The following TRPM3 variants were observed in gnomAD, a reference collection of about 807,000 sequenced individuals.
TRPM3 encodes transient receptor potential cation channel subfamily M member 3.
TRPM3 carries 77 observed loss-of-function variants against 181.2 expected under a neutral mutation model. That is an observed-to-expected ratio of 0.42 (90% confidence interval 0.35 to 0.51). The LOEUF is 0.51. Among genes scored for constraint, TRPM3 ranks in the 20% least tolerant of loss-of-function variants. The probability of loss-of-function intolerance (pLI) is 0.01; values close to 1 mark genes in which losing one functional copy is unlikely to be tolerated. For synonymous variants in TRPM3, 745 were observed against 796.4 expected (o/e 0.94, Z 1.09); for missense variants, 1,759 against 2,196.7 (o/e 0.80, Z 3.98).
At chr9:70,538,809 T>C (rs1263419024) in intron 25 of TRPM3, among the ~76,000 whole-genome samples, 11 of 152,336 alleles carry the variant, frequency 7.2e-5, no homozygotes, top group Non-Finnish European at 1.3e-4. Flanking sequence ...AATGGGTCAA[T>C]GACATTTACG....
intron 1 of TRPM3, among the ~76,000 whole-genome samples, chr9:71,309,993 A>G (rs1487878277): frequency 6.6e-6 from 1 of 152,154 alleles, no homozygotes; most frequent in African/African-American, 2.4e-5. Flanking sequence ...TCATAAATGA[A>G]ACAGGTGTAA....
intron 21 of TRPM3, among the ~76,000 whole-genome samples, chr9:70,592,999 G>A (rs2058393179): frequency 6.6e-6 from 1 of 152,084 alleles, no homozygotes; most frequent in Admixed American, 6.5e-5. Context: ...CAAAGTGCTG[G>A]GATTACAGGT....
At position 70,639,205 on chromosome 9, in the gene TRPM3, A is replaced by C. The variant is rs111914011; in HGVS notation, c.1447-11T>G. ...CTCCAGAGATCCCACCTGCAAACCA[A>C]GTCACTGAGTTAGTCTGCCCCAGGG... On this transcript the variant is annotated splice_polypyrimidine_tract_variant and intron_variant, in intron 10 of 25. Coordinates refer to ENST00000677713, the MANE Select transcript of TRPM3 (RefSeq NM_001366145.2). 3.1e-6 allele frequency: 5 copies of C among 1,613,452 alleles called. No homozygotes were observed. The highest frequency in any genetic ancestry group is 4.5e-5 in the East Asian group (2 of 44,864).
chr9:71,330,197 C>G (rs1282417264), intron 1 of TRPM3, among the ~76,000 whole-genome samples: 1 of 151,764 alleles, frequency 6.6e-6, no homozygotes, highest in Non-Finnish European at 1.5e-5. Context: ...CTAATCTTGG[C>G]TAATTAGAGC....
chr9:71,271,029 T>C (rs11142768), intron 1 of TRPM3, among the ~76,000 whole-genome samples: 81,049 of 151,950 alleles, frequency 0.53, 21,821 homozygotes, highest in African/African-American at 0.62. Context: ...ACCTACCCAA[T>C]AGAACTATCC....
In TRPM3 at chr9:71,153,996, G is replaced by A. The variant is rs116502993; in HGVS notation, c.184-289485C>T. ...TTATATAAATACCAAGAGTAAATTT[G>A]TTTTGGCACTGTGAGAGTGAACCTG... On this transcript the variant is annotated intron_variant, in intron 1 of 24. Coordinates refer to the TRPM3 transcript ENST00000357533. Among the ~76,000 whole-genome samples the A allele has an allele frequency of 1.6e-3, 251 of 152,126 alleles. 3 individuals carry two copies. Among genetic ancestry groups the A allele is most frequent in the African/African-American group, 5.3e-3 (222 of 41,514 alleles).
At chr9:70,624,080 C>G (rs11142514) in intron 14 of TRPM3, among the ~76,000 whole-genome samples, 1 of 152,138 alleles carries the variant, frequency 6.6e-6, no homozygotes, top group East Asian at 1.9e-4. Flanking sequence ...GTACTCCCCC[C>G]ACCTCCACCA....
chr9:70,623,249 C>G (rs11142513), intron 14 of TRPM3, among the ~76,000 whole-genome samples: 26,193 of 151,714 alleles, frequency 0.17, 2,902 homozygotes, highest in South Asian at 0.29. Context: ...GCCTGTAATG[C>G]CGGCTACTCG....
At chr9:71,153,797 C>T (rs1157410472) in intron 1 of TRPM3, among the ~76,000 whole-genome samples, 1 of 152,100 alleles carries the variant, frequency 6.6e-6, no homozygotes, top group African/African-American at 2.4e-5. Flanking sequence ...TTCAAGACAA[C>T]ATCCCCCAAC....
At chr9:71,358,725 A>C (rs1467078261) in intron 1 of TRPM3, among the ~76,000 whole-genome samples, 1 of 152,208 alleles carries the variant, frequency 6.6e-6, no homozygotes, top group African/African-American at 2.4e-5. Flanking sequence ...AGGAGTCAAC[A>C]AAAGTTTTAA....
chr9:71,035,730 T>C (rs2058098539), intron 1 of TRPM3, among the ~76,000 whole-genome samples: 1 of 151,848 alleles, frequency 6.6e-6, no homozygotes, highest in South Asian at 2.1e-4. Flanking sequence ...AATAAATAAA[T>C]AAATAAAATA....
intron 1 of TRPM3, among the ~76,000 whole-genome samples, chr9:70,948,128 T>C (rs925265876): frequency 6.6e-6 from 1 of 152,048 alleles, no homozygotes; most frequent in African/African-American, 2.4e-5. Context: ...TTTTTTTTTT[T>C]TTTGTCTTTC....
rs1491305078 is a variant in TRPM3, at chr9:70,629,214, CCG to C, written c.1633-3699_1633-3698del. 4.0e-3 allele frequency among the ~76,000 whole-genome samples: 78 copies of C among 19,688 alleles called. 3 individuals are homozygous for C. Among genetic ancestry groups the C allele is most frequent in the Admixed American group, 0.014 (15 of 1,108 alleles). The allele number at this position is 19,688 out of a possible 152,430, so 12.9% of individuals were successfully genotyped here. A position where few individuals can be genotyped will look rare whatever the true frequency, so the allele number is the denominator to read the frequency against. On this transcript the variant is annotated intron_variant, in intron 12 of 25. Coordinates refer to ENST00000677713, the MANE Select transcript of TRPM3 (RefSeq NM_001366145.2). The stretch of plus-strand genomic sequence containing the variant: ...AGGATAAATGATTCTGTGACCAGTG[CCG>C]GGGGGGGGGGGGGCCTGCGTTCTGT...
chr9:70,783,598 A>C (rs1165812798), intron 7 of TRPM3, among the ~76,000 whole-genome samples: 1 of 152,180 alleles, frequency 6.6e-6, no homozygotes, highest in Non-Finnish European at 1.5e-5. Context: ...TTACCATTAC[A>C]GAGATTTGAC....
intron 25 of TRPM3, among the ~76,000 whole-genome samples, chr9:70,548,174 T>C (rs1470639790): frequency 1.3e-5 from 2 of 152,224 alleles, no homozygotes; most frequent in Non-Finnish European, 2.9e-5. Context: ...TGGTTATATG[T>C]CCATTAATAA....
intron 9 of TRPM3, among the ~76,000 whole-genome samples, chr9:70,679,485 G>A (rs1181156495): frequency 2.0e-5 from 3 of 152,120 alleles, no homozygotes; most frequent in Non-Finnish European, 4.4e-5. Context: ...ATCAATAATT[G>A]GATCACTTCC....
rs61742411 is a variant in TRPM3, at chr9:70,917,152, A to C, written c.178-52641T>G. 3.8e-4 allele frequency: 615 copies of C among 1,605,892 alleles called. 2 individuals carry two copies. The African/African-American group carries it at 7.1e-3, about 18-fold the overall frequency. ...GGATGAGTTCGGCCACATCTGGGGC[A>C]TACTGGTCCAGTTCTAGGAGGAGTT... is the stretch of plus-strand genomic sequence containing the variant. On this transcript the variant is annotated intron_variant, in intron 1 of 25. Coordinates refer to ENST00000677713, the MANE Select transcript of TRPM3 (RefSeq NM_001366145.2).
At position 71,215,317 on chromosome 9, in the gene TRPM3, G is replaced by A. The variant is rs545698939; in HGVS notation, c.183+231336C>T. 5.3e-5 allele frequency among the ~76,000 whole-genome samples: 8 copies of A among 152,308 alleles called. No individual in the cohort carries two copies. In the East Asian group the frequency reaches 9.7e-4, roughly 18 times the overall value. On this transcript the variant is annotated intron_variant, in intron 1 of 24. Transcript: ENST00000357533. ...TGCAAAACATGCAAATAAGCCAACT[G>A]TGAAAACAGTCCTTTTCATGGTGCT...
chr9:71,442,962 C>T (rs1170645820), intron 1 of TRPM3, among the ~76,000 whole-genome samples: 1 of 152,098 alleles, frequency 6.6e-6, no homozygotes, highest in African/African-American at 2.4e-5. Context: ...TACTTTTATA[C>T]CTATTGACCA....
Sources: allele counts gnomAD v4.1 joint callset (sites outside exome capture counted in the v4.1 genomes callset), GRCh38; gene constraint gnomAD v4.1.1; transcripts MANE v1.5; gene names NCBI Gene and HGNC (gene_info 2026-07-23, HGNC 2026-07-21).